The following CCDC141 variants were observed in gnomAD, a reference collection of about 807,000 sequenced individuals.
The protein encoded by CCDC141 is coiled-coil domain-containing protein 141.
In CCDC141, 168 loss-of-function variants were observed where a neutral mutation model predicts 181.0. The observed-to-expected ratio is 0.93, with a 90% confidence interval of 0.82 to 1.05. The LOEUF is 1.05. CCDC141 is among the 50% of genes least tolerant of loss of function. The pLI is 0.00. For synonymous variants in CCDC141, 666 were observed against 642.3 expected (o/e 1.04, Z -0.56); for missense variants, 1,902 against 1,788.5 (o/e 1.06, Z -1.14).
intron 11 of CCDC141, among the ~76,000 whole-genome samples, chr2:178,884,255 A>G (rs374074039): frequency 6.0e-5 from 9 of 150,830 alleles, no homozygotes; most frequent in Non-Finnish European, 1.3e-4. Flanking sequence ...AAAAAAAAAA[A>G]CCAGAATCTC....
At chr2:178,964,371 G>A (rs1360742506) in intron 4 of CCDC141, among the ~76,000 whole-genome samples, 1 of 152,184 alleles carries the variant, frequency 6.6e-6, no homozygotes, top group Non-Finnish European at 1.5e-5. Context: ...CTTTGCAAAT[G>A]AGAGGGAGGC....
At chr2:179,041,772 T>C (rs537635464) in intron 2 of CCDC141, among the ~76,000 whole-genome samples, 1 of 152,202 alleles carries the variant, frequency 6.6e-6, no homozygotes, top group Non-Finnish European at 1.5e-5. Flanking sequence ...TCCAAGTTTC[T>C]GACAAAACAG....
chr2:179,011,049 T>C (rs932855342), intron 2 of CCDC141, among the ~76,000 whole-genome samples: 1 of 151,810 alleles, frequency 6.6e-6, no homozygotes, highest in Non-Finnish European at 1.5e-5. Flanking sequence ...TCCCAGCTTC[T>C]GGAGAGGCTG....
intron 6 of CCDC141, among the ~76,000 whole-genome samples, chr2:178,925,430 A>G (rs545740282): frequency 1.3e-5 from 2 of 152,348 alleles, no homozygotes; most frequent in East Asian, 3.9e-4. Flanking sequence ...GCAAATGGCT[A>G]TGTGGCAAAA....
intron 2 of CCDC141, among the ~76,000 whole-genome samples, chr2:178,992,149 A>G (rs143707662): frequency 1.4e-4 from 21 of 152,042 alleles, no homozygotes; most frequent in African/African-American, 5.1e-4. Context: ...CCTGCTATAA[A>G]TATTTATGTA....
At chr2:178,992,069 T>A (rs1435046566) in intron 2 of CCDC141, among the ~76,000 whole-genome samples, 3 of 151,906 alleles carry the variant, frequency 2.0e-5, no homozygotes, top group Non-Finnish European at 4.4e-5. Flanking sequence ...AATAGATGAA[T>A]ATGCCAATTT....
chr2:178,849,452 C>T (rs1296081966), intron 21 of CCDC141, among the ~76,000 whole-genome samples: 2 of 152,174 alleles, frequency 1.3e-5, no homozygotes, highest in African/African-American at 4.8e-5. Context: ...TTTCAGCCAG[C>T]TATAAAAACA....
intron 4 of CCDC141, among the ~76,000 whole-genome samples, chr2:178,970,593 T>C (rs1465356802): frequency 2.6e-5 from 4 of 152,134 alleles, no homozygotes. Flanking sequence ...CTGGACCCCG[T>C]CCTTACACCT....
At chr2:178,933,951 C>A (rs1184632110) in intron 6 of CCDC141, among the ~76,000 whole-genome samples, 3 of 152,246 alleles carry the variant, frequency 2.0e-5, no homozygotes, top group South Asian at 2.1e-4. Flanking sequence ...TCTGATAATG[C>A]CAAATCTTCT....
chr2:178,876,768 G>C (rs1686374384), intron 12 of CCDC141: 1 of 152,116 alleles, frequency 6.6e-6, no homozygotes, highest in South Asian at 2.1e-4. Context: ...TAATATACTA[G>C]GTAGGTTCAA....
chr2:179,026,400 C>T (rs946601898), intron 2 of CCDC141, among the ~76,000 whole-genome samples: 1 of 152,180 alleles, frequency 6.6e-6, no homozygotes, highest in Admixed American at 6.5e-5. Context: ...AGCCTCAAGC[C>T]CTGGCATCTT....
At chr2:178,902,845 G>A (rs1238909978) in intron 8 of CCDC141, among the ~76,000 whole-genome samples, 3 of 149,310 alleles carry the variant, frequency 2.0e-5, no homozygotes, top group Non-Finnish European at 3.0e-5. Context: ...GAAAATTTTC[G>A]CAACCTACTC....
At chr2:178,964,261 C>A (rs527792022) in intron 4 of CCDC141, among the ~76,000 whole-genome samples, 1 of 152,044 alleles carries the variant, frequency 6.6e-6, no homozygotes, top group Non-Finnish European at 1.5e-5. Context: ...CAGCTACACG[C>A]AAACACACAC....
At chr2:178,891,030 C>T (rs1198605034) in intron 8 of CCDC141, among the ~76,000 whole-genome samples, 1 of 152,108 alleles carries the variant, frequency 6.6e-6, no homozygotes, top group Non-Finnish European at 1.5e-5. Flanking sequence ...TAGAGACACA[C>T]AGCTAATATA....
intron 5 of CCDC141, among the ~76,000 whole-genome samples, chr2:178,956,895 T>C (rs1690184192): frequency 6.6e-6 from 1 of 152,190 alleles, no homozygotes; most frequent in African/African-American, 2.4e-5. Flanking sequence ...TTTTTTTTTT[T>C]TGAGATGGAG....
intron 6 of CCDC141, among the ~76,000 whole-genome samples, chr2:178,923,190 C>T (rs970607842): frequency 1.8e-4 from 27 of 150,028 alleles, no homozygotes; most frequent in South Asian, 6.4e-4. Flanking sequence ...CTGCAAGCTC[C>T]GCCTCCCGGG....
At chr2:178,915,016 CTACAAAAAA>C (rs1416342293) in intron 7 of CCDC141, among the ~76,000 whole-genome samples, 1 of 151,884 alleles carries the variant, frequency 6.6e-6, no homozygotes, top group East Asian at 1.9e-4. Context: ...AATCCCATCT[CTACAAAAAA>C]TACAAAAAAT....
intron 17 of CCDC141, among the ~76,000 whole-genome samples, chr2:178,863,194 T>C (rs2154368326): frequency 6.6e-6 from 1 of 152,316 alleles, no homozygotes; most frequent in East Asian, 1.9e-4. Flanking sequence ...TGTTGTCCTG[T>C]AGCATATTCA....
chr2:179,037,841 GAAAC>G (rs2043187254), intron 2 of CCDC141, among the ~76,000 whole-genome samples: 2 of 152,110 alleles, frequency 1.3e-5, no homozygotes, highest in African/African-American at 4.8e-5. Context: ...TTTTAAAAAA[GAAAC>G]AAACAAGAAA....
Sources: gnomAD v4.1 joint callset for allele counts (sites outside exome capture counted in the v4.1 genomes callset) on GRCh38, gnomAD v4.1.1 for gene constraint, MANE v1.5 for transcripts, NCBI Gene and HGNC (gene_info 2026-07-23, HGNC 2026-07-21) for gene names.